The following PRELID2 variants were observed in gnomAD, a reference collection of about 807,000 sequenced individuals.
PRELID2 encodes the protein PRELI domain containing 2.
PRELID2 carries 25 observed loss-of-function variants against 28.4 expected under a neutral mutation model. The observed-to-expected ratio is 0.88, with a 90% CI of 0.64 to 1.23. The LOEUF is 1.23. Among genes scored for constraint, PRELID2 ranks in the 50% most tolerant of loss-of-function variants. PRELID2 has a pLI of 0.00. For synonymous variants in PRELID2, 76 were observed against 71.6 expected, an observed-to-expected ratio of 1.06 and a Z score of -0.31; for missense variants, 201 against 214.4, an observed-to-expected ratio of 0.94 and a Z score of 0.39.
rs1025702234 is a variant in PRELID2, at chr5:145,807,623, T to C, written c.368+10271A>G. On this transcript the variant is annotated intron_variant, in intron 4 of 6. Transcript: ENST00000683046. ...ACTGGCTCAATGTAGAGATTCTCTCTACATGGCATTTCCTACCAAATCCTA... is the reference window on the plus strand; with the variant it reads ...ACTGGCTCAATGTAGAGATTCTCTCCACATGGCATTTCCTACCAAATCCTA... 2.0e-5 allele frequency among the ~76,000 whole-genome samples: 3 copies of C among 152,036 alleles called. No homozygotes were observed. The South Asian group carries it at 6.2e-4, about 32-fold the overall frequency.
intron 4 of PRELID2, among the ~76,000 whole-genome samples, chr5:145,811,290 G>C (rs567862081): frequency 1.6e-4 from 25 of 151,892 alleles, no homozygotes; most frequent in Non-Finnish European, 3.2e-4. Flanking sequence ...GATTTGGGTG[G>C]GGACACAGCA....
chr5:145,794,824 T>A (rs1217989914), intron 5 of PRELID2, among the ~76,000 whole-genome samples: 2 of 152,132 alleles, frequency 1.3e-5, no homozygotes, highest in African/African-American at 4.8e-5. Flanking sequence ...TTCATCAGAT[T>A]AATTGATGCA....
chr5:145,576,055 A>G (rs752872614), intron 1 of PRELID2, among the ~76,000 whole-genome samples: 1 of 152,196 alleles, frequency 6.6e-6, no homozygotes, highest in Non-Finnish European at 1.5e-5. Flanking sequence ...GCTCTGAAGA[A>G]TAGATCAGGT....
chr5:145,672,089 T>TC (rs1481140629), intron 1 of PRELID2, among the ~76,000 whole-genome samples: 4 of 152,182 alleles, frequency 2.6e-5, no homozygotes, highest in Non-Finnish European at 4.4e-5. Context: ...ACACACTTCT[T>TC]CCATGGCTCA....
chr5:145,383,081 T>G, the PRELID2 span, among the ~76,000 whole-genome samples: 1 of 151,524 alleles, frequency 6.6e-6, no homozygotes, highest in Non-Finnish European at 1.5e-5. Context: ...TCAATGCAAT[T>G]TCAATCAACT....
At chr5:145,797,550 T>C (rs1425106459) in intron 4 of PRELID2, among the ~76,000 whole-genome samples, 4 of 152,080 alleles carry the variant, frequency 2.6e-5, no homozygotes, top group Non-Finnish European at 5.9e-5. Context: ...GGTGGCTTGT[T>C]ACACTAGAGA....
At chr5:145,744,332 C>T (rs553735855) in intron 1 of PRELID2, among the ~76,000 whole-genome samples, 17 of 152,338 alleles carry the variant, frequency 1.1e-4, no homozygotes, top group African/African-American at 3.4e-4. Context: ...CATTGAAGCA[C>T]ATCCACTCCA....
the PRELID2 span, among the ~76,000 whole-genome samples, chr5:145,239,728 A>C: frequency 6.6e-6 from 1 of 152,010 alleles, no homozygotes; most frequent in African/African-American, 2.4e-5. Context: ...AACCCATAAG[A>C]GTCCTTAAGA....
At chr5:145,630,475 C>T (rs1309700850) in intron 1 of PRELID2, among the ~76,000 whole-genome samples, 2 of 152,172 alleles carry the variant, frequency 1.3e-5, no homozygotes, top group Admixed American at 1.3e-4. Context: ...GTAAGACAAA[C>T]ATTCTCCATT....
intron 4 of PRELID2, 25 bp from the exon 5 acceptor site, chr5:145,796,572 C>T: frequency 6.9e-7 from 1 of 1,453,314 alleles, no homozygotes; most frequent in Non-Finnish European, 9.5e-7. Context: ...AAAAACACAT[C>T]TTTGATGTCA....
chr5:145,626,362 G>A (rs1371171285), intron 1 of PRELID2, among the ~76,000 whole-genome samples: 1 of 152,010 alleles, frequency 6.6e-6, no homozygotes. Flanking sequence ...ATTTAAAAGT[G>A]GGCAAAGAAG....
chr5:145,743,340 G>C (rs1756889795), intron 1 of PRELID2, among the ~76,000 whole-genome samples: 1 of 151,138 alleles, frequency 6.6e-6, no homozygotes, highest in African/African-American at 2.4e-5. Flanking sequence ...GAACCCAAGA[G>C]GCAGAGGCTG....
intron 1 of PRELID2, among the ~76,000 whole-genome samples, chr5:145,485,271 T>A (rs956823932): frequency 6.6e-6 from 1 of 152,154 alleles, no homozygotes; most frequent in Non-Finnish European, 1.5e-5. Flanking sequence ...GAGGACAGGG[T>A]TCTAGGCAGT....
At chr5:145,231,340 T>A in the PRELID2 span, among the ~76,000 whole-genome samples, 11 of 152,288 alleles carry the variant, frequency 7.2e-5, no homozygotes, top group Admixed American at 6.5e-4. Context: ...GAGATTTTGC[T>A]GCACCCATCA....
At chr5:145,282,855 G>T in the PRELID2 span, among the ~76,000 whole-genome samples, 523 of 152,182 alleles carry the variant, frequency 3.4e-3, 1 homozygote, top group African/African-American at 0.012. Context: ...TGCATATGTA[G>T]TGTTTGTATA....
At chr5:145,573,035 G>C (rs998925966) in intron 1 of PRELID2, among the ~76,000 whole-genome samples, 1 of 152,038 alleles carries the variant, frequency 6.6e-6, no homozygotes, top group Non-Finnish European at 1.5e-5. Flanking sequence ...CCCTCCCTTA[G>C]GCAATAGGAT....
At chr5:145,600,636 A>T (rs1008115612) in intron 1 of PRELID2, among the ~76,000 whole-genome samples, 1 of 152,014 alleles carries the variant, frequency 6.6e-6, no homozygotes, top group African/African-American at 2.4e-5. Context: ...TTGGAGGAAA[A>T]ACTCTCGATT....
chr5:145,402,175 T>C, the PRELID2 span, among the ~76,000 whole-genome samples: 1 of 138,922 alleles, frequency 7.2e-6, no homozygotes, highest in Non-Finnish European at 1.5e-5. Flanking sequence ...GTTAGAAGAA[T>C]TGGACATGGA....
the PRELID2 span, among the ~76,000 whole-genome samples, chr5:145,347,162 G>A: frequency 3.6e-4 from 55 of 152,226 alleles, no homozygotes; most frequent in Non-Finnish European, 7.4e-4. Flanking sequence ...TGCACAGAAG[G>A]TCAGTGCATG....
Sources: allele counts gnomAD v4.1 joint callset (sites outside exome capture counted in the v4.1 genomes callset), GRCh38; gene constraint gnomAD v4.1.1; transcripts MANE v1.5; gene names NCBI Gene and HGNC (gene_info 2026-07-23, HGNC 2026-07-21).